SEPTIN9: variants seen among roughly 807,000 people sequenced by gnomAD.
SEPTIN9 encodes the protein septin-9.
Under a neutral mutation model 56.6 loss-of-function variants are expected in SEPTIN9, and 13 were observed. The ratio of observed to expected loss-of-function variants is 0.23; its 90% CI spans 0.15 to 0.37. The LOEUF (loss-of-function observed/expected upper bound fraction) is 0.37. SEPTIN9 is among the 10% of genes least tolerant of loss of function. The pLI is 1.00. For synonymous variants in SEPTIN9, 332 were observed against 334.1 expected (o/e 0.99, Z 0.07); for missense variants, 650 against 823.1 (o/e 0.79, Z 2.57).
intron 3 of SEPTIN9, among the ~76,000 whole-genome samples, chr17:77,461,949 T>G (rs1309586443): frequency 6.6e-6 from 1 of 152,010 alleles, no homozygotes; most frequent in East Asian, 1.9e-4. Context: ...GCAGGAAAAA[T>G]CTGATGTTCC....
In SEPTIN9 at chr17:77,389,468, C is replaced by G. The variant is rs972584331; in HGVS notation, c.77-12591C>G. The stretch of plus-strand genomic sequence containing the variant: ...CTGAGGAAAGCCTCATTTTGGGGGA[C>G]TCCGTACTTAACCTTTGAGGCCCTC... On this transcript the variant is annotated intron_variant, in intron 2 of 11. Coordinates refer to ENST00000427177, the MANE Select transcript of SEPTIN9 (RefSeq NM_001113491.2). This position sits in a 1 kb window ranked among gnomAD's most constrained non-coding sequence, Gnocchi z 4.3. Among the ~76,000 whole-genome samples, 2 of 152,044 alleles carry G rather than the reference C, an allele frequency of 1.3e-5. No homozygotes were observed. Among genetic ancestry groups the G allele is most frequent in the Non-Finnish European group, 2.9e-5 (2 of 68,004 alleles).
chr17:77,388,796 C>G (rs2035428043), intron 2 of SEPTIN9, among the ~76,000 whole-genome samples: 1 of 144,096 alleles, frequency 6.9e-6, no homozygotes, highest in Non-Finnish European at 1.5e-5. Flanking sequence ...CCAAGTGGCC[C>G]CTGGTGTTAG....
At position 77,487,397 on chromosome 17, in the gene SEPTIN9, C is replaced by G. The variant is rs1352656924; in HGVS notation, c.914-27C>G. 6.3e-7 allele frequency: 1 copy of G among 1,580,304 alleles called. No individual in the cohort carries two copies. Among genetic ancestry groups the G allele is most frequent in the East Asian group, 2.3e-5 (1 of 42,716 alleles). On this transcript the variant is annotated intron_variant, in intron 4 of 11. Transcript: ENST00000427177. This position sits in a 1 kb window ranked among gnomAD's most constrained non-coding sequence, Gnocchi z 4.3. ...CCTGCTGGTCTCTCCGGAGAGACCC[C>G]TGACCGGCCTCCCATCCTCTCCCCA...
At chr17:77,394,230 T>C (rs2035632687) in intron 2 of SEPTIN9, among the ~76,000 whole-genome samples, 2 of 152,158 alleles carry the variant, frequency 1.3e-5, no homozygotes, top group South Asian at 4.1e-4. Context: ...CAAGGTCCAG[T>C]GTCACAGGAG....
chr17:77,400,257 A>C lies in SEPTIN9; in HGVS notation c.77-1802A>C, dbSNP rs1233991291. Among the ~76,000 whole-genome samples, 2 of 152,186 alleles carry C rather than the reference A, an allele frequency of 1.3e-5. No homozygotes were observed. The highest frequency in any genetic ancestry group is 2.4e-5 in the African/African-American group (1 of 41,432). ...TTTAAAGATCAGGAGATATCATATA[A>C]AGATCCAGATTTCTACTCTCTTGAG... is the stretch of plus-strand genomic sequence containing the variant. On this transcript the variant is annotated intron_variant, in intron 2 of 11. Coordinates refer to ENST00000427177, the MANE Select transcript of SEPTIN9 (RefSeq NM_001113491.2). This position sits in a 1 kb window ranked among gnomAD's most constrained non-coding sequence, Gnocchi z 4.1.
At chr17:77,354,612 T>C (rs749724227) in intron 2 of SEPTIN9, among the ~76,000 whole-genome samples, 5 of 152,168 alleles carry the variant, frequency 3.3e-5, no homozygotes, top group Non-Finnish European at 7.3e-5. Context: ...TGGACAGGCC[T>C]GCTTGTGGGT....
intron 4 of SEPTIN9, chr17:77,484,227 G>A (rs1171935053): frequency 2.0e-5 from 3 of 152,228 alleles, no homozygotes; most frequent in African/African-American, 7.2e-5. Flanking sequence ...ATGATGATGG[G>A]GTGATGGTGC....
chr17:77,452,241 C>T (rs929733434), intron 3 of SEPTIN9, among the ~76,000 whole-genome samples: 1 of 152,244 alleles, frequency 6.6e-6, no homozygotes, highest in Non-Finnish European at 1.5e-5. Context: ...TGAGGGATCT[C>T]CCTAACGGAC....
At chr17:77,394,323 A>G (rs1042427827) in intron 2 of SEPTIN9, among the ~76,000 whole-genome samples, 2 of 152,198 alleles carry the variant, frequency 1.3e-5, no homozygotes, top group Non-Finnish European at 2.9e-5. Context: ...GTTATCTGCC[A>G]GGTGAGGTTT....
chr17:77,391,609 G>A (rs1390301421), intron 2 of SEPTIN9, among the ~76,000 whole-genome samples: 1 of 152,196 alleles, frequency 6.6e-6, no homozygotes, highest in Non-Finnish European at 1.5e-5. Context: ...CAGGTTCCAG[G>A]AGTTAGGACT....
intron 2 of SEPTIN9, among the ~76,000 whole-genome samples, chr17:77,337,464 G>C (rs938686470): frequency 1.3e-5 from 2 of 152,052 alleles, no homozygotes; most frequent in African/African-American, 4.8e-5. Flanking sequence ...TATTTTCTTT[G>C]TTTGTTAGTT....
chr17:77,415,324 C>T (rs866270332), intron 3 of SEPTIN9, among the ~76,000 whole-genome samples: 5 of 152,108 alleles, frequency 3.3e-5, no homozygotes, highest in South Asian at 4.1e-4. Flanking sequence ...CAAGAAGTCT[C>T]GGCCAGGCGT....
At chr17:77,415,149 G>A (rs1190976429) in intron 3 of SEPTIN9, among the ~76,000 whole-genome samples, 1 of 152,108 alleles carries the variant, frequency 6.6e-6, no homozygotes, top group Non-Finnish European at 1.5e-5. Flanking sequence ...CGTTTTCTTG[G>A]CCCACAGGGT....
chr17:77,290,814 CATAAATAAATAAATAA>C (rs71160222), intron 1 of SEPTIN9, among the ~76,000 whole-genome samples: 3 of 141,384 alleles, frequency 2.1e-5, no homozygotes, highest in African/African-American at 2.7e-5. Flanking sequence ...GACCCTGTCT[CATAAATAAATAAATAA>C]ATAAATAAAT....
At chr17:77,406,102 CT>C (rs2036058563) in intron 3 of SEPTIN9, among the ~76,000 whole-genome samples, 1 of 152,210 alleles carries the variant, frequency 6.6e-6, no homozygotes, top group South Asian at 2.1e-4. Flanking sequence ...GGGGCCCCAG[CT>C]GAATTGCTCC....
At chr17:77,403,877 G>A (rs1320425319) in intron 3 of SEPTIN9, among the ~76,000 whole-genome samples, 3 of 152,110 alleles carry the variant, frequency 2.0e-5, no homozygotes, top group Non-Finnish European at 4.4e-5. Context: ...GTCCATCTCC[G>A]GTACCCTTTT....
Position 77,361,033 on chromosome 17 carries a change from C to T in SEPTIN9, c.77-41026C>T, listed in dbSNP as rs1190176507. On this transcript the variant is annotated intron_variant, in intron 2 of 11. Transcript: ENST00000427177. ...CTGCCTCCTGGGATCAAGTGATTCT[C>T]CTGCCTCAGCCTCCCAAGTAGCTGG... Among the ~76,000 whole-genome samples the T allele has an allele frequency of 2.0e-5, 3 of 150,424 alleles. No individual in the cohort carries two copies. In the Admixed American group the frequency reaches 2.0e-4, roughly 10 times the overall value.
intron 3 of SEPTIN9, among the ~76,000 whole-genome samples, chr17:77,442,623 G>A (rs924792714): frequency 4.0e-5 from 6 of 151,672 alleles, no homozygotes; most frequent in Admixed American, 1.3e-4. Flanking sequence ...CTGTAATCCC[G>A]GCACTTCGGG....
At chr17:77,386,522 C>A (rs1017216252) in intron 2 of SEPTIN9, among the ~76,000 whole-genome samples, 5 of 152,168 alleles carry the variant, frequency 3.3e-5, no homozygotes, top group African/African-American at 1.2e-4. Flanking sequence ...GTGGGGGTAC[C>A]TTGCTCAGCC....
Sources: allele counts gnomAD v4.1 joint callset (sites outside exome capture counted in the v4.1 genomes callset), GRCh38; gene constraint gnomAD v4.1.1; non-coding constraint Gnocchi (gnomAD v3.1); transcripts MANE v1.5; gene names NCBI Gene and HGNC (gene_info 2026-07-23, HGNC 2026-07-21).